Variants in GEMIN5 observed in about 807,000 individuals in gnomAD.
The protein encoded by GEMIN5 is gem-associated protein 5.
A neutral mutation model predicts 176.9 loss-of-function variants in GEMIN5; 124 were observed. The ratio of observed to expected loss-of-function variants is 0.70; its 90% CI spans 0.61 to 0.81. GEMIN5 has a LOEUF of 0.81. Ranked by LOEUF, GEMIN5 falls within the 40% of genes least tolerant of loss-of-function variation. GEMIN5 has a pLI of 0.00. For synonymous variants in GEMIN5, 673 were observed against 665.2 expected, an observed-to-expected ratio of 1.01 and a Z score of -0.18; for missense variants, 1,843 against 1,814.6, an observed-to-expected ratio of 1.02 and a Z score of -0.28.
At chr5:154,905,796 T>G (rs956720793) in intron 16 of GEMIN5, among the ~76,000 whole-genome samples, 3 of 151,548 alleles carry the variant, frequency 2.0e-5, no homozygotes, top group African/African-American at 7.3e-5. Context: ...GCCTCCTAGG[T>G]CCAAGCAATT....
intron 5 of GEMIN5, among the ~76,000 whole-genome samples, chr5:154,931,003 T>G (rs1009832400): frequency 3.9e-5 from 6 of 152,204 alleles, no homozygotes; most frequent in African/African-American, 1.4e-4. Flanking sequence ...AAAGAGACAT[T>G]TGGGAAAGCT....
At position 154,935,937 on chromosome 5, in the gene GEMIN5, C is replaced by T. The variant is rs761588739; in HGVS notation, c.413G>A (p.Trp138Ter). ...GDEKGVVFCY[W>*]FNRNDSQHLF... ...GTGCTGGCTGTCATTTCTGTTAAAC[C>T]AGTAACAGAAAACTACTCCTTTTTC... The change falls in exon 3 of 28, where the codon TGG (tryptophan) becomes TAG (stop). Residue 138 changes from tryptophan (W) to a stop codon, truncating the protein, a stop_gained. Transcript: ENST00000285873. LOFTEE classifies it high-confidence loss of function. 6.2e-7 allele frequency: 1 copy of T among 1,607,880 alleles called. No individual in the cohort carries two copies. Among genetic ancestry groups the T allele is most frequent in the Non-Finnish European group, 8.5e-7 (1 of 1,174,500 alleles).
intron 20 of GEMIN5, 45 bp from the exon 21 acceptor site, chr5:154,901,531 A>T (rs1485851340): frequency 6.3e-7 from 1 of 1,595,156 alleles, no homozygotes; most frequent in Non-Finnish European, 8.6e-7. Context: ...TTGAAGAAAA[A>T]GTAAAAACAA....
chr5:154,917,325 C>T (rs768421872), intron 12 of GEMIN5, 146 bp from the exon 13 acceptor site: 5 of 417,066 alleles, frequency 1.2e-5, no homozygotes, highest in Non-Finnish European at 2.1e-5. Flanking sequence ...GTCATTCTCT[C>T]ATAAAAAATC....
At chr5:154,888,596 A>G (rs1368574473) in intron 27 of GEMIN5, among the ~76,000 whole-genome samples, 2 of 152,166 alleles carry the variant, frequency 1.3e-5, no homozygotes, top group East Asian at 3.9e-4. Context: ...GTCCTTCTCA[A>G]TGGCACAATC....
At position 154,888,219 on chromosome 5, in the gene GEMIN5, G is replaced by GAA. The variant is rs1420260985; in HGVS notation, c.4516_4517dup (p.Cys1507SerfsTer15). The GAA allele has an allele frequency of 6.2e-7, 1 of 1,614,012 alleles. No individual in the cohort carries two copies. The highest frequency in any genetic ancestry group is 8.5e-7 in the Non-Finnish European group (1 of 1,180,008). On this transcript the variant is annotated frameshift_variant, in exon 28 of 28. Transcript: ENST00000285873. LOFTEE classifies it high-confidence loss of function. Reference sequence around the variant, plus strand: ...CAAGGTGTGTGAAAATTCACATACAGAAGGTCTGGCAGTGTCTTCTGTAAG... The same window carrying GAA: ...CAAGGTGTGTGAAAATTCACATACAGAAAAGGTCTGGCAGTGTCTTCTGTAAG...
intron 5 of GEMIN5, 105 bp downstream of exon 5, chr5:154,931,353 A>C: frequency 8.5e-7 from 1 of 1,170,446 alleles, no homozygotes; most frequent in East Asian, 2.4e-5. Flanking sequence ...AAAGTGAAGA[A>C]CTGCTCTCAA....
chr5:154,927,366 T>G lies in GEMIN5; in HGVS notation c.1080+19A>C, dbSNP rs1435689578. On this transcript the variant is annotated intron_variant, in intron 7 of 27. Coordinates refer to ENST00000285873, the MANE Select transcript of GEMIN5 (RefSeq NM_015465.5). ...TAAACTGCTGCTCTACAATGCTGAG[T>G]GAAAATAAGCATTCTTACATCTCTA... 6.5e-7 allele frequency: 1 copy of G among 1,532,160 alleles called. No individual in the cohort carries two copies. Among genetic ancestry groups the G allele is most frequent in the Non-Finnish European group, 9.0e-7 (1 of 1,108,444 alleles). 94.9% of individuals were successfully genotyped at this position (1,532,160 alleles called of 1,614,324 possible).
At chr5:154,889,001 C>T (rs1763166134) in intron 27 of GEMIN5, among the ~76,000 whole-genome samples, 1 of 152,012 alleles carries the variant, frequency 6.6e-6, no homozygotes, top group Admixed American at 6.6e-5. Context: ...CTCAGCCTCC[C>T]GAGTAACTGG....
In GEMIN5 at chr5:154,901,487, C is replaced by A; in HGVS notation, c.2867-1G>T. 6.2e-7 allele frequency: 1 copy of A among 1,612,038 alleles called. No homozygotes were observed. Among genetic ancestry groups the A allele is most frequent in the Non-Finnish European group, 8.5e-7 (1 of 1,179,322 alleles). ...GCCCATAGCCACACATGGTAGCCAG[C>A]TGAAAAAATAAAAGATGGTGGTTAA... On this transcript the variant is annotated splice_acceptor_variant, in intron 20 of 27. Transcript: ENST00000285873. LOFTEE classifies it high-confidence loss of function.
chr5:154,920,759 A>G (rs1316507190), intron 10 of GEMIN5, among the ~76,000 whole-genome samples: 2 of 152,224 alleles, frequency 1.3e-5, no homozygotes, highest in Non-Finnish European at 2.9e-5. Context: ...CAGATGTTTC[A>G]TCATAGATGG....
chr5:154,930,782 A>T (rs1292737558), intron 5 of GEMIN5, among the ~76,000 whole-genome samples: 1 of 152,204 alleles, frequency 6.6e-6, no homozygotes, highest in Admixed American at 6.5e-5. Context: ...ATGTACACTT[A>T]AAAGTGATAA....
At chr5:154,922,690 TA>T (rs1237676900) in intron 9 of GEMIN5, among the ~76,000 whole-genome samples, 1 of 150,746 alleles carries the variant, frequency 6.6e-6, no homozygotes, top group Non-Finnish European at 1.5e-5. Context: ...AATAAATCTT[TA>T]AAACAGTTTT....
intron 4 of GEMIN5, 79 bp from the exon 5 acceptor site, chr5:154,931,656 C>A: frequency 8.3e-7 from 1 of 1,208,408 alleles, no homozygotes. Context: ...GCAAGAGTTT[C>A]CAAAACTTAG....
In GEMIN5 at chr5:154,911,917, G is replaced by A; in HGVS notation, c.1996-19C>T. 6.2e-7 allele frequency: 1 copy of A among 1,603,322 alleles called. No individual in the cohort carries two copies. Among genetic ancestry groups the A allele is most frequent in the Admixed American group, 1.7e-5 (1 of 57,824 alleles). ...CCCACACCTAAACCCAAAAGCACAT[G>A]GCCGAAAAGACATTTTCTGGTTATT... On this transcript the variant is annotated intron_variant, in intron 14 of 27. Transcript: ENST00000285873.
In GEMIN5 at chr5:154,932,267, A is replaced by G. The variant is rs779636250; in HGVS notation, c.510-17T>C. The G allele has an allele frequency of 3.0e-5, 48 of 1,578,708 alleles. No homozygotes were observed. The Admixed American group carries it at 8.3e-4, about 27-fold the overall frequency. ...TCCTTGTAGCTAAAAAACAAGAGTT[A>G]GAAATATTACTAAAAAAATGAAGAC... On this transcript the variant is annotated splice_polypyrimidine_tract_variant and intron_variant, in intron 3 of 27. Transcript: ENST00000285873.
intron 20 of GEMIN5, among the ~76,000 whole-genome samples, chr5:154,901,768 G>GC (rs1225228770): frequency 6.8e-6 from 1 of 146,436 alleles, no homozygotes; most frequent in Non-Finnish European, 1.5e-5. Flanking sequence ...TGAGCCAAAG[G>GC]TAACATGACT....
chr5:154,894,488 T>G (rs913357050), intron 24 of GEMIN5, among the ~76,000 whole-genome samples: 1 of 151,906 alleles, frequency 6.6e-6, no homozygotes, highest in Non-Finnish European at 1.5e-5. Flanking sequence ...AGAAACTGCC[T>G]GGCCAGGCGT....
In GEMIN5 at chr5:154,907,191, A is replaced by G. The variant is rs528651333; in HGVS notation, c.2395+400T>C. On this transcript the variant is annotated intron_variant, in intron 16 of 27. Coordinates refer to ENST00000285873, the MANE Select transcript of GEMIN5 (RefSeq NM_015465.5). ...GGGGTGAGAGCTTGCAAGTTCCCAC[A>G]GTGGTGGTAGCTTCTAGGTCAGACA... is the stretch of plus-strand genomic sequence containing the variant. Among the ~76,000 whole-genome samples, 5 of 152,336 alleles carry G rather than the reference A, an allele frequency of 3.3e-5. No homozygotes were observed. The South Asian group carries it at 6.2e-4, about 19-fold the overall frequency.
Sources: allele counts gnomAD v4.1 joint callset (sites outside exome capture counted in the v4.1 genomes callset), GRCh38; gene constraint gnomAD v4.1.1; transcripts MANE v1.5; gene names NCBI Gene and HGNC (gene_info 2026-07-23, HGNC 2026-07-21).